Variants in ZFYVE9 observed in about 807,000 individuals in gnomAD.
ZFYVE9 encodes zinc finger FYVE domain-containing protein 9.
ZFYVE9 carries 43 observed loss-of-function variants against 126.7 expected under a neutral mutation model. The ratio of observed to expected loss-of-function variants is 0.34; its 90% CI spans 0.27 to 0.44. The LOEUF is 0.44. ZFYVE9 is among the 20% of genes least tolerant of loss of function. The pLI, the probability that ZFYVE9 is intolerant of heterozygous loss-of-function variation, is 1.00. For missense variants in ZFYVE9, 1,476 were observed against 1,697.0 expected, an observed-to-expected ratio of 0.87 and a Z score of 2.29; for synonymous variants, 521 against 597.4, an observed-to-expected ratio of 0.87 and a Z score of 1.87.
At chr1:52,314,018 A>T (rs2147852435) in intron 13 of ZFYVE9, among the ~76,000 whole-genome samples, 1 of 152,310 alleles carries the variant, frequency 6.6e-6, no homozygotes, top group East Asian at 1.9e-4. Context: ...TACCCAAAGG[A>T]GAGAAAAGGT....
chr1:52,255,635 G>A (rs1323746057), intron 4 of ZFYVE9, among the ~76,000 whole-genome samples: 1 of 151,618 alleles, frequency 6.6e-6, no homozygotes, highest in African/African-American at 2.4e-5. Context: ...GCTCATGCCT[G>A]TAATCCCAGC....
intron 1 of ZFYVE9, among the ~76,000 whole-genome samples, chr1:52,183,618 T>C (rs1644735065): frequency 6.6e-6 from 1 of 152,010 alleles, no homozygotes; most frequent in African/African-American, 2.4e-5. Context: ...TTCTCCTGTC[T>C]CAGCCTTCCG....
chr1:52,160,327 C>A (rs879116817), intron 1 of ZFYVE9: 4 of 1,108,664 alleles, frequency 3.6e-6, no homozygotes, highest in Middle Eastern at 2.0e-4. Flanking sequence ...TGTTGATTTC[C>A]TCAAAAGACA....
chr1:52,200,038 TTA>T (rs1644908885), intron 1 of ZFYVE9, among the ~76,000 whole-genome samples: 3 of 150,620 alleles, frequency 2.0e-5, no homozygotes, highest in Non-Finnish European at 3.0e-5. Flanking sequence ...TTTTTTTTTT[TTA>T]TTATTGTTTT....
At chr1:52,343,317 G>A (rs764898938) in intron 17 of ZFYVE9, among the ~76,000 whole-genome samples, 3 of 151,728 alleles carry the variant, frequency 2.0e-5, no homozygotes, top group Non-Finnish European at 4.4e-5. Context: ...TTGGTGGCAG[G>A]CTCCTGTAAT....
chr1:52,164,650 GTCCATCCA>G (rs199776740), intron 1 of ZFYVE9, among the ~76,000 whole-genome samples: 44 of 151,888 alleles, frequency 2.9e-4, no homozygotes, highest in Middle Eastern at 3.4e-3. Context: ...CCGTCCATCC[GTCCATCCA>G]TCCATCCATC....
intron 4 of ZFYVE9, among the ~76,000 whole-genome samples, chr1:52,246,810 C>T (rs957475251): frequency 6.0e-5 from 9 of 150,048 alleles, no homozygotes; most frequent in African/African-American, 1.2e-4. Flanking sequence ...TGGGTTCAAG[C>T]GATTCTCCTG....
chr1:52,342,818 C>T (rs560547828), intron 17 of ZFYVE9, among the ~76,000 whole-genome samples: 1 of 152,302 alleles, frequency 6.6e-6, no homozygotes, highest in African/African-American at 2.4e-5. Flanking sequence ...AGGTGTGAGC[C>T]ACCGCACCCG....
intron 13 of ZFYVE9, among the ~76,000 whole-genome samples, chr1:52,314,286 C>T (rs957321281): frequency 6.6e-6 from 1 of 152,180 alleles, no homozygotes; most frequent in Non-Finnish European, 1.5e-5. Flanking sequence ...GCATATTTCT[C>T]ATGAAAACAA....
rs77429880 is a variant in ZFYVE9, at chr1:52,330,615, T to A, written c.3439-2153T>A. ...CGTCATTTAGCATGCTAATGCATTATAATTAGTGATAATGAGCAGTGAGGA... is the reference window on the plus strand; with the variant it reads ...CGTCATTTAGCATGCTAATGCATTAAAATTAGTGATAATGAGCAGTGAGGA... On this transcript the variant is annotated intron_variant, in intron 13 of 18. Coordinates refer to ENST00000287727, the MANE Select transcript of ZFYVE9 (RefSeq NM_004799.4). 1.6e-4 allele frequency among the ~76,000 whole-genome samples: 24 copies of A among 152,358 alleles called. No homozygotes were observed. The East Asian group carries it at 4.6e-3, about 29-fold the overall frequency.
chr1:52,266,405 T>TAAAAAA (rs33996604), intron 5 of ZFYVE9, among the ~76,000 whole-genome samples: 1 of 85,628 alleles, frequency 1.2e-5, no homozygotes, highest in African/African-American at 4.8e-5. Flanking sequence ...TCTAATTCTT[T>TAAAAAA]AAAAAAAAAA....
intron 4 of ZFYVE9, among the ~76,000 whole-genome samples, chr1:52,240,953 AAGT>A (rs1645328014): frequency 6.6e-6 from 1 of 152,132 alleles, no homozygotes; most frequent in African/African-American, 2.4e-5. Context: ...GGAGAAGGGG[AAGT>A]AGTGATATGT....
intron 1 of ZFYVE9, among the ~76,000 whole-genome samples, chr1:52,146,586 A>C (rs1644308184): frequency 6.6e-6 from 1 of 152,164 alleles, no homozygotes; most frequent in Non-Finnish European, 1.5e-5. Flanking sequence ...TGTAAGTATT[A>C]AATGATATAA....
In ZFYVE9 at chr1:52,181,495, C is replaced by T. The variant is rs546488370; in HGVS notation, c.-142-34874C>T. ...AAGTGCCGAGATTGCAGCCTCTGCCCGGCCGCCACCCCGTCTGGGAAGGGA... is the reference window on the plus strand; with the variant it reads ...AAGTGCCGAGATTGCAGCCTCTGCCTGGCCGCCACCCCGTCTGGGAAGGGA... On this transcript the variant is annotated intron_variant, in intron 1 of 18. Transcript: ENST00000287727. 7.6e-3 allele frequency among the ~76,000 whole-genome samples: 1,152 copies of T among 152,324 alleles called. 15 individuals carry two copies. The highest frequency in any genetic ancestry group is 0.026 in the African/African-American group (1,090 of 41,570).
intron 4 of ZFYVE9, among the ~76,000 whole-genome samples, chr1:52,255,973 T>A: frequency 8.0e-6 from 1 of 124,512 alleles, no homozygotes; most frequent in African/African-American, 3.7e-5. Context: ...CTTTTCTTTC[T>A]TTCTTTCTTT....
intron 13 of ZFYVE9, among the ~76,000 whole-genome samples, chr1:52,320,089 TGACAG>T (rs1646224829): frequency 6.7e-6 from 1 of 149,152 alleles, no homozygotes; most frequent in Non-Finnish European, 1.5e-5. Flanking sequence ...TTATTTTTTT[TGACAG>T]AGGTTCGCTC....
chr1:52,324,689 G>A (rs545163085), intron 13 of ZFYVE9, among the ~76,000 whole-genome samples: 5 of 152,300 alleles, frequency 3.3e-5, no homozygotes, highest in African/African-American at 1.2e-4. Flanking sequence ...TGAATTGTGA[G>A]CCTCTTGAGG....
intron 15 of ZFYVE9, 104 bp downstream of exon 15, chr1:52,334,872 C>G: frequency 8.9e-7 from 1 of 1,128,282 alleles, no homozygotes; most frequent in South Asian, 1.4e-5. Context: ...ACTGTTTTTT[C>G]AGTAGCATCT....
intron 10 of ZFYVE9, among the ~76,000 whole-genome samples, chr1:52,288,034 T>C (rs530601169): frequency 6.6e-6 from 1 of 152,294 alleles, no homozygotes; most frequent in East Asian, 1.9e-4. Flanking sequence ...TAAGACAAAA[T>C]ACCTAACATT....
Sources: allele counts gnomAD v4.1 joint callset (sites outside exome capture counted in the v4.1 genomes callset), GRCh38; gene constraint gnomAD v4.1.1; transcripts MANE v1.5; gene names NCBI Gene and HGNC (gene_info 2026-07-23, HGNC 2026-07-21).